GBE1: variants seen among roughly 807,000 people sequenced by gnomAD.
GBE1 encodes the protein 1,4-alpha-glucan-branching enzyme.
Under a neutral mutation model 88.8 loss-of-function variants are expected in GBE1, and 70 were observed. The ratio of observed to expected loss-of-function variants is 0.79; its 90% CI spans 0.65 to 0.96. The LOEUF (loss-of-function observed/expected upper bound fraction) is 0.96. Ranked by LOEUF, GBE1 falls within the 40% of genes least tolerant of loss-of-function variation. GBE1 has a pLI of 0.00. For missense variants in GBE1, 872 were observed against 871.0 expected, an observed-to-expected ratio of 1.00 and a Z score of -0.01; for synonymous variants, 284 against 300.1, an observed-to-expected ratio of 0.95 and a Z score of 0.56.
intron 13 of GBE1, among the ~76,000 whole-genome samples, chr3:81,535,919 T>C (rs1703067742): frequency 6.6e-6 from 1 of 152,024 alleles, no homozygotes; most frequent in South Asian, 2.1e-4. Context: ...CATCATCATG[T>C]ATTTACAGTT....
chr3:81,744,955 A>G (rs185698077), intron 1 of GBE1, among the ~76,000 whole-genome samples: 5 of 152,326 alleles, frequency 3.3e-5, no homozygotes, highest in Non-Finnish European at 5.9e-5. Context: ...TCTTTGTCAT[A>G]TATGTATTAT....
chr3:81,595,127 T>TAAA (rs1177322179), intron 7 of GBE1, among the ~76,000 whole-genome samples: 1 of 136,154 alleles, frequency 7.3e-6, no homozygotes, highest in African/African-American at 2.7e-5. Flanking sequence ...TTTACTAAGT[T>TAAA]AAAAAAAAAA....
chr3:81,667,303 G>T (rs553613244), intron 3 of GBE1, among the ~76,000 whole-genome samples: 2 of 152,274 alleles, frequency 1.3e-5, no homozygotes, highest in Non-Finnish European at 2.9e-5. Context: ...TTTGTATCCT[G>T]AGACTCCACT....
chr3:81,628,777 A>ATATG lies in GBE1; in HGVS notation c.992+14003_992+14004insCATA, dbSNP rs1553687066. ...TATATATATATATATATATATATATATATATAGCAACAGAGTATGTTACTA... is the reference window on the plus strand; with the variant it reads ...TATATATATATATATATATATATATATATGTATATAGCAACAGAGTATGTTACTA... On this transcript the variant is annotated intron_variant, in intron 7 of 15. Coordinates refer to ENST00000429644, the MANE Select transcript of GBE1 (RefSeq NM_000158.4). Among the ~76,000 whole-genome samples, 687 of 133,684 alleles carry ATATG rather than the reference A, an allele frequency of 5.1e-3. 42 individuals carry two copies. Among genetic ancestry groups the ATATG allele is most frequent in the Admixed American group, 0.049 (606 of 12,368 alleles). 87.7% of individuals were successfully genotyped at this position (133,684 alleles called of 152,430 possible).
chr3:81,649,081 T>A, intron 4 of GBE1, 90 bp from the exon 5 acceptor site: 1 of 863,506 alleles, frequency 1.2e-6, no homozygotes. Flanking sequence ...GTGGTGAATA[T>A]ACTCAAACAC....
At chr3:81,652,481 G>C (rs1704864482) in intron 3 of GBE1, among the ~76,000 whole-genome samples, 1 of 152,038 alleles carries the variant, frequency 6.6e-6, no homozygotes. Flanking sequence ...TTTCTACTAG[G>C]GTTGCTTGTT....
At position 81,732,423 on chromosome 3, in the gene GBE1, T is replaced by C. The variant is rs895863376; in HGVS notation, c.144-26810A>G. Among the ~76,000 whole-genome samples the C allele has an allele frequency of 2.0e-5, 3 of 152,270 alleles. No homozygotes were observed. In the East Asian group the frequency reaches 5.8e-4, roughly 29 times the overall value. On this transcript the variant is annotated intron_variant, in intron 1 of 15. Coordinates refer to ENST00000429644, the MANE Select transcript of GBE1 (RefSeq NM_000158.4). ...TTTATGCATTTAAATCTGCAAGCTA[T>C]AAATATTGAAATCCAAGCTATAGTA...
chr3:81,694,865 C>T lies in GBE1; in HGVS notation c.313+10579G>A, dbSNP rs191553774. Among the ~76,000 whole-genome samples, 12 of 152,184 alleles carry T rather than the reference C, an allele frequency of 7.9e-5. No homozygotes were observed. In the South Asian group the frequency reaches 1.0e-3, roughly 13 times the overall value. On this transcript the variant is annotated intron_variant, in intron 2 of 15. Transcript: ENST00000429644. ...TGAGACTGGTTAGGACTAAGACAGC[C>T]GACTGAAGGACGTCAAAAAGACCTC...
At chr3:81,694,510 C>T (rs968999799) in intron 2 of GBE1, among the ~76,000 whole-genome samples, 2 of 152,174 alleles carry the variant, frequency 1.3e-5, no homozygotes, top group Admixed American at 1.3e-4. Flanking sequence ...AGCTCCCCGC[C>T]TCCTTCTACT....
At chr3:81,734,166 T>C (rs542604795) in intron 1 of GBE1, among the ~76,000 whole-genome samples, 79 of 152,336 alleles carry the variant, frequency 5.2e-4, no homozygotes, top group African/African-American at 1.8e-3. Flanking sequence ...GTAAATGTTA[T>C]GTTAACTTTT....
chr3:81,710,485 G>A (rs996117090), intron 1 of GBE1, among the ~76,000 whole-genome samples: 10 of 151,612 alleles, frequency 6.6e-5, no homozygotes, highest in African/African-American at 2.4e-4. Context: ...AGAATCAGGG[G>A]TAGCTGATAT....
In GBE1 at chr3:81,591,110, T is replaced by G; in HGVS notation, c.1163A>C (p.Asp388Ala). Residue 388 changes from aspartate to alanine, a missense_variant, in exon 9 of 16, where the codon GAT becomes GCT. By Grantham distance (126) the Asp-to-Ala change is moderately radical. Coordinates refer to ENST00000429644, the MANE Select transcript of GBE1 (RefSeq NM_000158.4). ...SEYFGLQVDE[D>A]ALTYLMLANH... ...TGCCAACATGAGGTAAGTCAAGGCA[T>G]CTTCATCTACTTGTAGTCCGAAATA... 1 of 1,608,998 alleles carries G rather than the reference T, an allele frequency of 6.2e-7. No homozygotes were observed.
intron 14 of GBE1, among the ~76,000 whole-genome samples, chr3:81,513,563 T>C (rs1559629780): frequency 6.8e-6 from 1 of 147,922 alleles, no homozygotes; most frequent in African/African-American, 2.5e-5. Flanking sequence ...ATTGTTTTGT[T>C]CCCCCAAAAA....
chr3:81,582,227 A>T (rs1247472243), intron 10 of GBE1, among the ~76,000 whole-genome samples: 1 of 152,116 alleles, frequency 6.6e-6, no homozygotes, highest in Non-Finnish European at 1.5e-5. Flanking sequence ...GGAAGGCAGA[A>T]GAGCAACCAT....
intron 14 of GBE1, among the ~76,000 whole-genome samples, chr3:81,526,230 T>C (rs1389235732): frequency 1.3e-5 from 2 of 152,040 alleles, no homozygotes; most frequent in Middle Eastern, 3.4e-3. Flanking sequence ...TGGTATGTTG[T>C]GTCTTTGTTT....
chr3:81,518,375 A>C (rs908007129), intron 14 of GBE1, among the ~76,000 whole-genome samples: 4 of 151,486 alleles, frequency 2.6e-5, no homozygotes, highest in Admixed American at 1.3e-4. Context: ...AAAAAACCCC[A>C]AAACTAAATA....
chr3:81,663,214 T>A lies in GBE1; in HGVS notation c.429+7624A>T, dbSNP rs536414112. Among the ~76,000 whole-genome samples the A allele has an allele frequency of 2.6e-5, 4 of 152,226 alleles. No individual in the cohort carries two copies. In the East Asian group the frequency reaches 7.7e-4, roughly 29 times the overall value. ...CACTCCTGCCCTTCCAGCCGAAATGTTGCATTTTCCAATACCACCCTGGCC... is the reference window on the plus strand; with the variant it reads ...CACTCCTGCCCTTCCAGCCGAAATGATGCATTTTCCAATACCACCCTGGCC... On this transcript the variant is annotated intron_variant, in intron 3 of 15. Transcript: ENST00000429644.
chr3:81,515,095 C>G (rs902617984), intron 14 of GBE1, among the ~76,000 whole-genome samples: 22 of 151,658 alleles, frequency 1.5e-4, no homozygotes, highest in Admixed American at 8.6e-4. Flanking sequence ...AATGATACTA[C>G]TGCACCAGCA....
At chr3:81,561,575 A>G (rs1703417526) in intron 12 of GBE1, among the ~76,000 whole-genome samples, 1 of 152,042 alleles carries the variant, frequency 6.6e-6, no homozygotes, top group African/African-American at 2.4e-5. Flanking sequence ...CAAGTGTGGA[A>G]AGAATTTAGA....
Sources: gnomAD v4.1 joint callset for allele counts (sites outside exome capture counted in the v4.1 genomes callset) on GRCh38, gnomAD v4.1.1 for gene constraint, MANE v1.5 for transcripts, NCBI Gene and HGNC (gene_info 2026-07-23, HGNC 2026-07-21) for gene names.